The following RAD23B variants were observed in gnomAD, a reference collection of about 807,000 sequenced individuals.
The protein encoded by RAD23B is RAD23 nucleotide excision repair protein B.
A neutral mutation model predicts 49.1 loss-of-function variants in RAD23B; 5 were observed. The ratio of observed to expected loss-of-function variants is 0.10; its 90% confidence interval spans 0.05 to 0.21. RAD23B has a LOEUF of 0.21. RAD23B is among the 10% of genes least tolerant of loss of function. RAD23B has a pLI of 1.00. For synonymous variants in RAD23B, 184 were observed against 165.4 expected, an observed-to-expected ratio of 1.11 and a Z score of -0.86; for missense variants, 356 against 486.7, an observed-to-expected ratio of 0.73 and a Z score of 2.53.
intron 1 of RAD23B, among the ~76,000 whole-genome samples, chr9:107,294,643 A>C (rs895772578): frequency 1.3e-5 from 2 of 152,234 alleles, no homozygotes; most frequent in Non-Finnish European, 2.9e-5. Context: ...GATGATTTAA[A>C]CAAAGTAATT....
rs774152058 is a variant in RAD23B at position 107,331,661 on chromosome 9, C to G, written c.*2005C>G. On this transcript the variant is annotated 3_prime_UTR_variant, in exon 10 of 10. Coordinates refer to ENST00000358015, the MANE Select transcript of RAD23B (RefSeq NM_002874.5). ...TCATTTATTTTATGACATTCTCTGT[C>G]TACTCAGATCATAGTGAAAACTGGA... 2 of 771,132 alleles carry G rather than the reference C, an allele frequency of 2.6e-6. No homozygotes were observed. The highest frequency in any genetic ancestry group is 2.7e-5 in the South Asian group (2 of 72,996). 47.8% of individuals were successfully genotyped at this position (771,132 alleles called of 1,614,324 possible).
rs1304525841 is a variant in RAD23B at position 107,318,036 on chromosome 9, G to C, written c.554-716G>C. Among the ~76,000 whole-genome samples, 1 of 152,092 alleles carries C rather than the reference G, an allele frequency of 6.6e-6. No homozygotes were observed. Among genetic ancestry groups the C allele is most frequent in the African/African-American group, 2.4e-5 (1 of 41,398 alleles). The stretch of plus-strand genomic sequence containing the variant: ...CAGAATTTGGTGTCTCTTCTTACCA[G>C]TTGCCTTCCCTGACCTCCTGCTAAT... On this transcript the variant is annotated intron_variant, in intron 5 of 9. Transcript: ENST00000358015. This position sits in a 1 kb window ranked among gnomAD's most constrained non-coding sequence, Gnocchi z 4.3.
chr9:107,318,997 C>CT lies in RAD23B; in HGVS notation c.681+128dup, dbSNP rs908080037. The CT allele has an allele frequency of 6.8e-3, 5,902 of 871,072 alleles. No homozygotes were observed. Among genetic ancestry groups the CT allele is most frequent in the East Asian group, 7.9e-3 (227 of 28,584 alleles). The allele number at this position is 871,072 out of a possible 1,614,324, so 54.0% of individuals were successfully genotyped here. ...TATATGCTAGATGATATACATAATG[C>CT]TTTTTTTTTTCTAGTATGTTTGTAT... On this transcript the variant is annotated intron_variant, in intron 6 of 9. Transcript: ENST00000358015. The surrounding 1 kb of genome is among the most constrained non-coding windows in gnomAD (Gnocchi z 4.3).
chr9:107,312,917 G>A (rs1199827135), intron 5 of RAD23B, among the ~76,000 whole-genome samples: 3 of 152,258 alleles, frequency 2.0e-5, no homozygotes, highest in Admixed American at 1.3e-4. Context: ...GAGCCTGGGA[G>A]GCCATGCTGT....
At position 107,306,566 on chromosome 9, in the gene RAD23B, C is replaced by T; in HGVS notation, c.416C>T (p.Pro139Leu). The change falls in exon 4 of 10, where the codon CCT becomes CTT. Residue 139 changes from proline to leucine, a missense_variant. By Grantham distance (98) the Pro-to-Leu change is moderately conservative (BLOSUM62 -3). Around this residue, in one of 5 missense-constraint regions of RAD23B, gnomAD observed 137 missense variants for 122.0 expected, o/e 1.12. Transcript: ENST00000358015. ...ASATASSEPA[P>L]ASAAKQEKPA... ...GCGACAGCATCTTCTGAACCTGCAC[C>T]TGCTAGTGCAGCTAAACAAGAGAAG... 1 of 1,614,106 alleles carries T rather than the reference C, an allele frequency of 6.2e-7. No individual in the cohort carries two copies. Among genetic ancestry groups the T allele is most frequent in the Non-Finnish European group, 8.5e-7 (1 of 1,179,988 alleles).
chr9:107,317,156 T>A (rs565596673), intron 5 of RAD23B, among the ~76,000 whole-genome samples: 1 of 152,204 alleles, frequency 6.6e-6, no homozygotes, highest in South Asian at 2.1e-4. Context: ...AAGAACAGAT[T>A]ATAGATATGG....
intron 9 of RAD23B, 47 bp from the exon 10 acceptor site, chr9:107,329,496 G>A (rs757825440): frequency 8.8e-7 from 1 of 1,138,692 alleles, no homozygotes; most frequent in Non-Finnish European, 1.3e-6. Context: ...AATTAAATGT[G>A]CCATAATTGG....
intron 8 of RAD23B, among the ~76,000 whole-genome samples, chr9:107,324,381 C>G (rs911648443): frequency 6.6e-6 from 1 of 152,110 alleles, no homozygotes; most frequent in Non-Finnish European, 1.5e-5. Context: ...TTCTTAGGAA[C>G]TTTTAAGCAA....
intron 5 of RAD23B, 34 bp downstream of exon 5, chr9:107,311,771 A>G (rs769020223): frequency 6.8e-7 from 1 of 1,480,230 alleles, no homozygotes; most frequent in South Asian, 1.3e-5. Flanking sequence ...AATAACCTAT[A>G]AAGAGATAGG....
At chr9:107,305,115 C>T (rs28534368) in intron 3 of RAD23B, among the ~76,000 whole-genome samples, 24,695 of 150,948 alleles carry the variant, frequency 0.16, 2,394 homozygotes, top group Admixed American at 0.23. Flanking sequence ...ATGGCGAAAC[C>T]TTGTCTCTAC....
rs1826663009 is a variant in RAD23B, at chr9:107,301,963, G to T, written c.149-72G>T. On this transcript the variant is annotated intron_variant, in intron 2 of 9. Transcript: ENST00000358015. ...TTCTGAAATATTCATATTTCGAGTA[G>T]AAAGTTGTTTTAACTGAAGTGTAAG... 4 of 1,548,626 alleles carry T rather than the reference G, an allele frequency of 2.6e-6. No homozygotes were observed. The South Asian group carries it at 4.9e-5, about 19-fold the overall frequency.
chr9:107,317,468 G>A (rs1827019778), intron 5 of RAD23B, among the ~76,000 whole-genome samples: 1 of 152,110 alleles, frequency 6.6e-6, no homozygotes, highest in Admixed American at 6.5e-5. Context: ...TGGAATGTGA[G>A]AAAGTGGACA....
chr9:107,321,712 G>C (rs1827115050), intron 6 of RAD23B, among the ~76,000 whole-genome samples: 1 of 152,132 alleles, frequency 6.6e-6, no homozygotes, highest in African/African-American at 2.4e-5. Flanking sequence ...GAACAACACA[G>C]AGAATATTTC....
chr9:107,308,694 A>C (rs897455205), intron 4 of RAD23B, among the ~76,000 whole-genome samples: 28 of 152,220 alleles, frequency 1.8e-4, no homozygotes, highest in African/African-American at 6.5e-4. Flanking sequence ...GACTTTGTAC[A>C]CCAACTGCTT....
At chr9:107,308,132 AG>A (rs1473188797) in intron 4 of RAD23B, among the ~76,000 whole-genome samples, 5 of 151,692 alleles carry the variant, frequency 3.3e-5, no homozygotes, top group Admixed American at 6.6e-5. Context: ...AAAAAAAAAA[AG>A]CTTACAGTGT....
intron 1 of RAD23B, among the ~76,000 whole-genome samples, chr9:107,296,264 C>A (rs907141279): frequency 6.6e-5 from 10 of 152,176 alleles, no homozygotes; most frequent in African/African-American, 2.4e-4. Flanking sequence ...TGCCTTCCCC[C>A]ACCACCTTAA....
intron 1 of RAD23B, among the ~76,000 whole-genome samples, chr9:107,289,714 T>A (rs1833345560): frequency 6.6e-6 from 1 of 152,212 alleles, no homozygotes; most frequent in South Asian, 2.1e-4. Flanking sequence ...AGTTACTCAG[T>A]ATGTGCCTTT....
chr9:107,321,117 A>G (rs1827102797), intron 6 of RAD23B, among the ~76,000 whole-genome samples: 1 of 152,180 alleles, frequency 6.6e-6, no homozygotes, highest in Non-Finnish European at 1.5e-5. Context: ...AGCTCTTAAT[A>G]ACTTTAAAAG....
rs993446187 is a variant in RAD23B, at chr9:107,283,551, G to A, written c.-79G>A. 8.7e-7 allele frequency: 1 copy of A among 1,151,606 alleles called. No individual in the cohort carries two copies. The highest frequency in any genetic ancestry group is 1.1e-6 in the Non-Finnish European group (1 of 872,108). 71.3% of individuals were successfully genotyped at this position (1,151,606 alleles called of 1,614,324 possible). A position where few individuals can be genotyped will look rare whatever the true frequency, so the allele number is the denominator to read the frequency against. ...GAGCGCGAGGAGCGCGGGCGACCCC[G>A]GGGCCCCGCCAGGCCACAGACCCCG... On this transcript the variant is annotated 5_prime_UTR_variant, in exon 1 of 10. Coordinates refer to ENST00000358015, the MANE Select transcript of RAD23B (RefSeq NM_002874.5).
Sources: gnomAD v4.1 joint callset for allele counts (sites outside exome capture counted in the v4.1 genomes callset) on GRCh38, gnomAD v4.1.1 for gene constraint, gnomAD v4.1.1 regional missense constraint, Gnocchi (gnomAD v3.1) non-coding constraint, MANE v1.5 for transcripts, NCBI Gene and HGNC (gene_info 2026-07-23, HGNC 2026-07-21) for gene names.